The following TLE4 variants were observed in gnomAD, a reference collection of about 807,000 sequenced individuals.
The protein encoded by TLE4 is transducin-like enhancer protein 4.
Under a neutral mutation model 92.8 loss-of-function variants are expected in TLE4, and 8 were observed. That is an observed-to-expected ratio of 0.09 (90% CI 0.05 to 0.16). TLE4 has a LOEUF of 0.16. Among genes scored for constraint, TLE4 ranks in the 10% least tolerant of loss-of-function variants. The pLI, the probability that TLE4 is intolerant of heterozygous loss-of-function variation, is 1.00. For synonymous variants in TLE4, 371 were observed against 374.1 expected, an observed-to-expected ratio of 0.99 and a Z score of 0.10; for missense variants, 675 against 997.6, an observed-to-expected ratio of 0.68 and a Z score of 4.36.
At chr9:79,610,068 A>G (rs1286142975) in intron 4 of TLE4, among the ~76,000 whole-genome samples, 2 of 152,072 alleles carry the variant, frequency 1.3e-5, no homozygotes, top group Non-Finnish European at 2.9e-5. Context: ...CCAAAGCTGA[A>G]AAATACTTCT....
intron 8 of TLE4, among the ~76,000 whole-genome samples, chr9:79,700,431 G>T (rs555760983): frequency 6.6e-6 from 1 of 152,292 alleles, no homozygotes; most frequent in South Asian, 2.1e-4. Context: ...AGTAAAGGTG[G>T]AGGGGTGGGG....
intron 4 of TLE4, among the ~76,000 whole-genome samples, chr9:79,609,135 G>T (rs1252933847): frequency 2.0e-5 from 3 of 152,042 alleles, no homozygotes. Context: ...TTCCCATGAT[G>T]TAAGATAGAT....
intron 10 of TLE4, among the ~76,000 whole-genome samples, 189 bp from the exon 11 acceptor site, chr9:79,706,558 A>G (rs1288910341): frequency 3.3e-5 from 5 of 152,114 alleles, no homozygotes; most frequent in Non-Finnish European, 7.4e-5. Flanking sequence ...TACTATAAAT[A>G]CTATAATTTT....
chr9:79,668,742 G>A (rs2061797621), intron 8 of TLE4: 1 of 661,450 alleles, frequency 1.5e-6, no homozygotes, highest in Admixed American at 3.1e-4. Context: ...AAATAGTATA[G>A]CTAGCAAATG....
intron 8 of TLE4, among the ~76,000 whole-genome samples, chr9:79,689,159 A>T (rs1467607436): frequency 2.6e-5 from 4 of 152,042 alleles, no homozygotes; most frequent in Admixed American, 1.3e-4. Context: ...CAGACTGCAA[A>T]ACCAAGGAAA....
chr9:79,653,279 G>A (rs1207786441), intron 7 of TLE4, among the ~76,000 whole-genome samples: 1 of 152,200 alleles, frequency 6.6e-6, no homozygotes, highest in African/African-American at 2.4e-5. Flanking sequence ...AATTAAGAAG[G>A]TACAGACCAA....
chr9:79,605,554 G>T (rs1356973422), intron 4 of TLE4, among the ~76,000 whole-genome samples: 1 of 152,048 alleles, frequency 6.6e-6, no homozygotes, highest in Non-Finnish European at 1.5e-5. Flanking sequence ...GAGCTCACAT[G>T]GTAGGAGGAA....
intron 4 of TLE4, among the ~76,000 whole-genome samples, chr9:79,597,609 C>G (rs1278137091): frequency 6.6e-6 from 1 of 152,120 alleles, no homozygotes; most frequent in African/African-American, 2.4e-5. Flanking sequence ...TGATTCCTAT[C>G]TGAGGAAATG....
At position 79,725,931 on chromosome 9, in the gene TLE4, C is replaced by G. The variant is rs938833490; in HGVS notation, c.*787C>G. The G allele has an allele frequency of 3.9e-5, 6 of 152,534 alleles. No individual in the cohort carries two copies. The highest frequency in any genetic ancestry group is 8.8e-5 in the Non-Finnish European group (6 of 68,026). The allele number at this position is 152,534 out of a possible 1,614,324, so 9.4% of individuals were successfully genotyped here. A position where few individuals can be genotyped will look rare whatever the true frequency, so the allele number is the denominator to read the frequency against. On this transcript the variant is annotated 3_prime_UTR_variant, in exon 20 of 20. Coordinates refer to ENST00000376552, the MANE Select transcript of TLE4 (RefSeq NM_007005.6). ...CAGATGAACAAATTAAATTTGGCCT[C>G]AAAGAGAGAACTTACTCCCTTCTGG...
chr9:79,618,924 A>G (rs1375330135), intron 5 of TLE4, among the ~76,000 whole-genome samples: 1 of 152,214 alleles, frequency 6.6e-6, no homozygotes, highest in Non-Finnish European at 1.5e-5. Context: ...ATAAAAGGGA[A>G]ATTAGGACCT....
intron 8 of TLE4, among the ~76,000 whole-genome samples, chr9:79,693,100 G>T (rs908048510): frequency 6.6e-6 from 1 of 152,064 alleles, no homozygotes; most frequent in Non-Finnish European, 1.5e-5. Context: ...TAAAGCTGGT[G>T]CCTTTTTCAC....
chr9:79,706,933 C>A, intron 11 of TLE4, 34 bp downstream of exon 11: 6 of 1,597,862 alleles, frequency 3.8e-6, no homozygotes, highest in Non-Finnish European at 5.1e-6. Flanking sequence ...CTGAGTGTGG[C>A]CTCTGCCAAT....
rs71364420 is a variant in TLE4 at position 79,606,187 on chromosome 9, G to GTTTTTTTTTTTTTTTTTTTTTTTT, written c.253-6454_253-6431dup. On this transcript the variant is annotated intron_variant, in intron 4 of 19. Coordinates refer to ENST00000376552, the MANE Select transcript of TLE4 (RefSeq NM_007005.6). ...ATTGCTTTATTAAGCAGTAGTAGTT[G>GTTTTTTTTTTTTTTTTTTTTTTTT]TTTTTTTTTTTTTTTTTTTTTTTTT... Among the ~76,000 whole-genome samples the GTTTTTTTTTTTTTTTTTTTTTTTT allele has an allele frequency of 5.2e-4, 15 of 28,714 alleles. 7 individuals carry two copies. The highest frequency in any genetic ancestry group is 2.9e-3 in the East Asian group (3 of 1,034). 18.8% of individuals were successfully genotyped at this position (28,714 alleles called of 152,430 possible). A position where few individuals can be genotyped will look rare whatever the true frequency, so the allele number is the denominator to read the frequency against.
At chr9:79,675,416 G>C (rs568761129) in intron 8 of TLE4, among the ~76,000 whole-genome samples, 1 of 152,274 alleles carries the variant, frequency 6.6e-6, no homozygotes, top group African/African-American at 2.4e-5. Flanking sequence ...ATTAAGTTGA[G>C]GGCTGCATAT....
At chr9:79,657,858 C>G (rs142778638) in intron 8 of TLE4, among the ~76,000 whole-genome samples, 53 of 152,322 alleles carry the variant, frequency 3.5e-4, no homozygotes, top group African/African-American at 1.2e-3. Context: ...GTGGCCTCAA[C>G]CAAGTTGCTA....
intron 4 of TLE4, among the ~76,000 whole-genome samples, chr9:79,606,583 G>A (rs2047043471): frequency 6.6e-6 from 1 of 151,724 alleles, no homozygotes; most frequent in African/African-American, 2.4e-5. Flanking sequence ...GTGTCCATGT[G>A]TTCTCATTGT....
intron 16 of TLE4, among the ~76,000 whole-genome samples, chr9:79,721,272 G>A (rs2075593369): frequency 6.6e-6 from 1 of 152,048 alleles, no homozygotes; most frequent in Non-Finnish European, 1.5e-5. Flanking sequence ...CTCGCCTTCC[G>A]TCTTGCACAG....
intron 4 of TLE4, among the ~76,000 whole-genome samples, chr9:79,598,126 G>A (rs62569288): frequency 0.012 from 1,763 of 150,344 alleles, 13 homozygotes; most frequent in Non-Finnish European, 0.019. Context: ...GCATGTGCCT[G>A]TAATCTCAGC....
intron 6 of TLE4, among the ~76,000 whole-genome samples, chr9:79,642,221 T>A (rs961555084): frequency 8.6e-5 from 13 of 151,638 alleles, no homozygotes; most frequent in African/African-American, 2.9e-4. Context: ...TTTTAAATGC[T>A]GCTTTACTTA....
Sources: allele counts gnomAD v4.1 joint callset (sites outside exome capture counted in the v4.1 genomes callset), GRCh38; gene constraint gnomAD v4.1.1; transcripts MANE v1.5; gene names NCBI Gene and HGNC (gene_info 2026-07-23, HGNC 2026-07-21).